Variants in MYMX observed in about 807,000 individuals in gnomAD.
MYMX encodes the protein protein myomixer.
chr6:44,215,895 AAATAAT>A (rs918490390), upstream of MYMX, among the ~76,000 whole-genome samples: 1 of 152,230 alleles, frequency 6.6e-6, no homozygotes, highest in East Asian at 1.9e-4. Context: ...ACTCCGTCTC[AAATAAT>A]AATAATAATA....
At chr6:44,208,019 G>A in the MYMX span, among the ~76,000 whole-genome samples, 3,935 of 152,196 alleles carry the variant, frequency 0.026, 66 homozygotes, top group South Asian at 0.07. Flanking sequence ...CTTGAGCCCA[G>A]GAATTCAAGA....
the MYMX span, among the ~76,000 whole-genome samples, chr6:44,192,725 C>T: frequency 9.2e-5 from 14 of 152,178 alleles, no homozygotes; most frequent in Non-Finnish European, 1.6e-4. Context: ...CGGGTTAAAG[C>T]TCCACCCTCC....
the MYMX span, among the ~76,000 whole-genome samples, chr6:44,194,686 C>T: frequency 6.6e-6 from 1 of 152,172 alleles, no homozygotes; most frequent in Non-Finnish European, 1.5e-5. Context: ...TGCTCGGGGA[C>T]AGCTGGAAGC....
chr6:44,209,207 T>G, the MYMX span, among the ~76,000 whole-genome samples: 1 of 152,170 alleles, frequency 6.6e-6, no homozygotes, highest in Non-Finnish European at 1.5e-5. Context: ...CAAGCCATCT[T>G]CCTGCCTCAG....
chr6:44,202,100 G>A, the MYMX span, among the ~76,000 whole-genome samples: 1 of 152,168 alleles, frequency 6.6e-6, no homozygotes, highest in African/African-American at 2.4e-5. Flanking sequence ...GACTCTCGGT[G>A]CCCGTGGGTC....
chr6:44,214,534 G>C (rs1775759360), upstream of MYMX, among the ~76,000 whole-genome samples: 1 of 152,160 alleles, frequency 6.6e-6, no homozygotes, highest in Non-Finnish European at 1.5e-5. Context: ...TTGTACAATG[G>C]TTATAATAAT....
At chr6:44,215,344 G>A (rs1239259125), upstream of MYMX, among the ~76,000 whole-genome samples, 3 of 152,096 alleles carry the variant, frequency 2.0e-5, no homozygotes, top group African/African-American at 4.8e-5. Flanking sequence ...AGGCAAAGGT[G>A]GGAGGATCTC....
the MYMX span, among the ~76,000 whole-genome samples, chr6:44,202,349 T>C: frequency 1.3e-5 from 2 of 151,540 alleles, no homozygotes; most frequent in Non-Finnish European, 2.9e-5. Context: ...ATCTGGGGAG[T>C]GGACCACAAA....
At chr6:44,201,978 G>A in the MYMX span, among the ~76,000 whole-genome samples, 62 of 147,100 alleles carry the variant, frequency 4.2e-4, no homozygotes, top group African/African-American at 1.3e-3. Context: ...CCAACTTCAC[G>A]AGCTGGGACC....
At chr6:44,200,901 T>C in the MYMX span, among the ~76,000 whole-genome samples, 2 of 152,104 alleles carry the variant, frequency 1.3e-5, no homozygotes, top group African/African-American at 2.4e-5. Context: ...GTGGGGACAA[T>C]GGCTGTATTC....
chr6:44,209,436 G>A, the MYMX span, among the ~76,000 whole-genome samples: 1 of 152,150 alleles, frequency 6.6e-6, no homozygotes, highest in Non-Finnish European at 1.5e-5. Flanking sequence ...TATTTAACTT[G>A]TAGGTTTTTG....
the MYMX span, among the ~76,000 whole-genome samples, chr6:44,201,233 C>G: frequency 3.3e-5 from 5 of 152,130 alleles, no homozygotes; most frequent in Non-Finnish European, 7.4e-5. Context: ...GGTTTCTGGC[C>G]TGTTGTCCCA....
the MYMX span, among the ~76,000 whole-genome samples, chr6:44,193,333 TGCTGG>T: frequency 1.6e-4 from 24 of 152,186 alleles, no homozygotes; most frequent in African/African-American, 4.8e-4. Context: ...AATCCCAAAG[TGCTGG>T]GATTACAGGT....
At chr6:44,200,158 G>T in the MYMX span, among the ~76,000 whole-genome samples, 3 of 150,904 alleles carry the variant, frequency 2.0e-5, no homozygotes, top group South Asian at 2.1e-4. Context: ...GACAGAGGAA[G>T]AGCCTACCTC....
At chr6:44,206,452 A>C in the MYMX span, among the ~76,000 whole-genome samples, 1 of 151,982 alleles carries the variant, frequency 6.6e-6, no homozygotes, top group Non-Finnish European at 1.5e-5. Flanking sequence ...GGCTGGTCTA[A>C]AACTCCTGGC....
chr6:44,193,995 A>AT, the MYMX span, among the ~76,000 whole-genome samples: 1 of 152,312 alleles, frequency 6.6e-6, no homozygotes, highest in African/African-American at 2.4e-5. Context: ...CAAAAAAAAA[A>AT]AAGTAATTTC....
chr6:44,203,851 T>C, the MYMX span, among the ~76,000 whole-genome samples: 1 of 152,136 alleles, frequency 6.6e-6, no homozygotes, highest in Admixed American at 6.6e-5. Flanking sequence ...TATTTTTATT[T>C]ATTTATTTAT....
the MYMX span, among the ~76,000 whole-genome samples, chr6:44,209,486 A>G: frequency 6.6e-6 from 1 of 152,238 alleles, no homozygotes; most frequent in Admixed American, 6.5e-5. Context: ...GCTGTAAAAC[A>G]GTTATCAGGG....
At chr6:44,212,876 A>G (rs538865798), upstream of MYMX, among the ~76,000 whole-genome samples, 71 of 151,302 alleles carry the variant, frequency 4.7e-4, no homozygotes, top group African/African-American at 1.6e-3. Context: ...AAAAAAAAAA[A>G]CAAAACTTGA....
Sources: gnomAD v4.1 joint callset for allele counts (sites outside exome capture counted in the v4.1 genomes callset) on GRCh38, gnomAD v4.1.1 for gene constraint, MANE v1.5 for transcripts, NCBI Gene and HGNC (gene_info 2026-07-23, HGNC 2026-07-21) for gene names.